WDR72: variants seen among roughly 807,000 people sequenced by gnomAD.
WDR72 encodes the protein WD repeat-containing protein 72.
A neutral mutation model predicts 124.2 loss-of-function variants in WDR72; 120 were observed. The observed-to-expected ratio is 0.97, with a 90% CI of 0.83 to 1.12. The LOEUF is 1.12. WDR72 is among the 50% of genes most tolerant of loss of function. The pLI, the probability that WDR72 is intolerant of heterozygous loss-of-function variation, is 0.00. For synonymous variants in WDR72, 452 were observed against 441.7 expected, an observed-to-expected ratio of 1.02 and a Z score of -0.29; for missense variants, 1,387 against 1,278.8, an observed-to-expected ratio of 1.08 and a Z score of -1.29.
intron 13 of WDR72, among the ~76,000 whole-genome samples, chr15:53,686,097 T>TG (rs2016612242): frequency 6.7e-6 from 1 of 149,082 alleles, no homozygotes; most frequent in Non-Finnish European, 1.5e-5. Flanking sequence ...TACCAGCCAC[T>TG]GCAAAATCAT....
intron 14 of WDR72, among the ~76,000 whole-genome samples, chr15:53,641,303 T>G (rs764233214): frequency 6.6e-6 from 1 of 151,976 alleles, no homozygotes; most frequent in Non-Finnish European, 1.5e-5. Context: ...CCCATTTATC[T>G]CTTTCTCTGT....
chr15:53,651,293 C>T (rs1291586449), intron 14 of WDR72, among the ~76,000 whole-genome samples: 1 of 152,162 alleles, frequency 6.6e-6, no homozygotes, highest in African/African-American at 2.4e-5. Context: ...TCTGACCACC[C>T]AGGCTATCGT....
intron 12 of WDR72, among the ~76,000 whole-genome samples, chr15:53,701,218 A>G (rs533079411): frequency 6.6e-6 from 1 of 152,290 alleles, no homozygotes; most frequent in African/African-American, 2.4e-5. Flanking sequence ...TCTCTGTTAA[A>G]TAAATGAATA....
intron 18 of WDR72, among the ~76,000 whole-genome samples, chr15:53,558,371 T>G (rs1894004641): frequency 1.3e-5 from 2 of 152,028 alleles, no homozygotes; most frequent in Non-Finnish European, 1.5e-5. Flanking sequence ...TTTACAACTG[T>G]GGTATAAGAA....
intron 13 of WDR72, among the ~76,000 whole-genome samples, chr15:53,693,649 T>A (rs1164937556): frequency 1.3e-5 from 2 of 152,186 alleles, no homozygotes; most frequent in Non-Finnish European, 2.9e-5. Flanking sequence ...ATTGAATAAT[T>A]TTCCAGCTAA....
intron 14 of WDR72, among the ~76,000 whole-genome samples, chr15:53,639,951 A>G (rs1448221591): frequency 6.6e-6 from 1 of 152,206 alleles, no homozygotes; most frequent in African/African-American, 2.4e-5. Context: ...ATAAAATTGA[A>G]TCATATAATC....
intron 1 of WDR72, among the ~76,000 whole-genome samples, chr15:53,754,493 G>A (rs1396699403): frequency 6.6e-6 from 1 of 151,960 alleles, no homozygotes; most frequent in East Asian, 1.9e-4. Flanking sequence ...CGTGGCAAAG[G>A]GGATCCCTCT....
intron 13 of WDR72, among the ~76,000 whole-genome samples, chr15:53,684,952 C>A (rs1366519259): frequency 6.6e-6 from 1 of 152,188 alleles, no homozygotes; most frequent in African/African-American, 2.4e-5. Context: ...CAGGGGCACA[C>A]TGACACCTCA....
intron 18 of WDR72, among the ~76,000 whole-genome samples, chr15:53,543,442 C>T (rs145567446): frequency 1.1e-3 from 165 of 152,138 alleles, no homozygotes; most frequent in African/African-American, 4.0e-3. Context: ...TTCTTTGAAA[C>T]CAACGAGAAC....
intron 14 of WDR72, among the ~76,000 whole-genome samples, chr15:53,655,786 A>G (rs977479712): frequency 6.6e-6 from 1 of 152,012 alleles, no homozygotes; most frequent in African/African-American, 2.4e-5. Context: ...TCTGCCTCCC[A>G]GGTTCAAGCA....
intron 18 of WDR72, among the ~76,000 whole-genome samples, chr15:53,553,307 GGTGA>G (rs1323244812): frequency 6.6e-6 from 1 of 152,128 alleles, no homozygotes; most frequent in African/African-American, 2.4e-5. Flanking sequence ...AATCTGGCAG[GGTGA>G]GTGTTTCCTC....
intron 18 of WDR72, among the ~76,000 whole-genome samples, chr15:53,527,303 C>T (rs1456367074): frequency 6.6e-6 from 1 of 152,044 alleles, no homozygotes; most frequent in Non-Finnish European, 1.5e-5. Context: ...TCTAAAAATT[C>T]CGTTCTTCCT....
chr15:53,529,814 C>G (rs1042675223), intron 18 of WDR72, among the ~76,000 whole-genome samples: 1 of 151,880 alleles, frequency 6.6e-6, no homozygotes, highest in African/African-American at 2.4e-5. Context: ...CAACTCAAAT[C>G]AAATTATCTA....
intron 9 of WDR72, among the ~76,000 whole-genome samples, chr15:53,710,206 T>C (rs756657140): frequency 2.6e-5 from 4 of 152,190 alleles, no homozygotes; most frequent in Non-Finnish European, 5.9e-5. Flanking sequence ...ATGATATCAA[T>C]ATATGATTAA....
At chr15:53,747,769 G>A (rs901676797) in intron 1 of WDR72, among the ~76,000 whole-genome samples, 6 of 152,166 alleles carry the variant, frequency 3.9e-5, no homozygotes, top group Admixed American at 2.0e-4. Flanking sequence ...TCTAGTCATT[G>A]TCAAGGAAAT....
intron 18 of WDR72, among the ~76,000 whole-genome samples, chr15:53,578,753 A>C (rs1440253302): frequency 6.6e-6 from 1 of 152,112 alleles, no homozygotes; most frequent in Non-Finnish European, 1.5e-5. Flanking sequence ...AAACAAACAA[A>C]CAAACAAACA....
chr15:53,594,582 G>C (rs1283259710), intron 18 of WDR72, among the ~76,000 whole-genome samples: 1 of 149,888 alleles, frequency 6.7e-6, no homozygotes. Flanking sequence ...CTATCAACCA[G>C]CCTGGGCAAC....
chr15:53,746,213 T>C (rs1295049966), intron 1 of WDR72, among the ~76,000 whole-genome samples: 2 of 152,182 alleles, frequency 1.3e-5, no homozygotes, highest in Admixed American at 1.3e-4. Flanking sequence ...AACAATTTGT[T>C]TTTATCTTTC....
intron 14 of WDR72, among the ~76,000 whole-genome samples, chr15:53,641,782 T>A (rs2014861510): frequency 6.6e-6 from 1 of 151,960 alleles, no homozygotes. Flanking sequence ...TGGTGTTTTT[T>A]TATATAAGCA....
Sources: gnomAD v4.1 joint callset for allele counts (sites outside exome capture counted in the v4.1 genomes callset) on GRCh38, gnomAD v4.1.1 for gene constraint, MANE v1.5 for transcripts, NCBI Gene and HGNC (gene_info 2026-07-23, HGNC 2026-07-21) for gene names.